KIAA1217: variants seen among roughly 807,000 people sequenced by gnomAD.
The protein encoded by KIAA1217 is sickle tail protein homolog.
KIAA1217 carries 88 observed loss-of-function variants against 163.9 expected under a neutral mutation model. The observed-to-expected ratio is 0.54, with a 90% CI of 0.45 to 0.64. The LOEUF (loss-of-function observed/expected upper bound fraction) is 0.64, where lower values mean the gene tolerates loss of function less well. Ranked by LOEUF, KIAA1217 falls within the 30% of genes least tolerant of loss-of-function variation. The pLI is 0.00. For missense variants in KIAA1217, 2,372 were observed against 2,475.0 expected (o/e 0.96, Z 0.88); for synonymous variants, 903 against 923.1 (o/e 0.98, Z 0.39).
chr10:23,868,258 A>G (rs747195753), intron 1 of KIAA1217, among the ~76,000 whole-genome samples: 25 of 152,088 alleles, frequency 1.6e-4, no homozygotes, highest in Non-Finnish European at 3.1e-4. Flanking sequence ...CTTTGCTTCC[A>G]GGAAAGCAGC....
chr10:23,945,998 T>TA (rs1392390589), intron 1 of KIAA1217, among the ~76,000 whole-genome samples: 2 of 152,166 alleles, frequency 1.3e-5, no homozygotes, highest in African/African-American at 4.8e-5. Context: ...AGTGGTTACT[T>TA]AAGTTCCATG....
chr10:24,498,221 A>G (rs2067067512), intron 8 of KIAA1217, among the ~76,000 whole-genome samples: 1 of 152,178 alleles, frequency 6.6e-6, no homozygotes, highest in Non-Finnish European at 1.5e-5. Flanking sequence ...ACCCAGGGAC[A>G]CAACATATCA....
intron 1 of KIAA1217, among the ~76,000 whole-genome samples, chr10:23,704,172 G>GTGTATATA (rs1229370789): frequency 1.3e-3 from 53 of 39,926 alleles, no homozygotes; most frequent in African/African-American, 2.8e-3. Flanking sequence ...GTGTGTGTGT[G>GTGTATATA]TATATATATA....
At position 23,695,966 on chromosome 10, in the gene KIAA1217, TGCCCTCCCCGCTCGCC is replaced by T. The variant is rs1050362362; in HGVS notation, c.-321+735_-321+750del. Among the ~76,000 whole-genome samples the T allele has an allele frequency of 2.0e-5, 3 of 152,210 alleles. No individual in the cohort carries two copies. The highest frequency in any genetic ancestry group is 7.2e-5 in the African/African-American group (3 of 41,456). On this transcript the variant is annotated intron_variant, in intron 1 of 18. Coordinates refer to the KIAA1217 transcript ENST00000376462. This position sits in a 1 kb window ranked among gnomAD's most constrained non-coding sequence, Gnocchi z 4.9. ...CACAGCGGCCGGCCTTCCGGCTGGC[TGCCCTCCCCGCTCGCC>T]GCTCTCCCCGCGCCGCTGCGGGTCC...
At chr10:23,732,251 A>T (rs1305870143) in intron 1 of KIAA1217, among the ~76,000 whole-genome samples, 5 of 152,108 alleles carry the variant, frequency 3.3e-5, no homozygotes, top group Non-Finnish European at 7.4e-5. Context: ...ATAAATATTG[A>T]TTCAATCTCT....
At chr10:24,418,205 C>A (rs1228355999) in intron 3 of KIAA1217, among the ~76,000 whole-genome samples, 1 of 152,076 alleles carries the variant, frequency 6.6e-6, no homozygotes, top group Non-Finnish European at 1.5e-5. Flanking sequence ...GATCCTCCTC[C>A]CTTCTTGTCC....
At chr10:24,059,487 C>G (rs890426632) in intron 2 of KIAA1217, among the ~76,000 whole-genome samples, 4 of 152,022 alleles carry the variant, frequency 2.6e-5, no homozygotes, top group Non-Finnish European at 4.4e-5. Flanking sequence ...TTGAATTTAC[C>G]AGTGAACCAT....
intron 2 of KIAA1217, among the ~76,000 whole-genome samples, chr10:24,197,187 A>G (rs1481144782): frequency 6.6e-6 from 1 of 152,200 alleles, no homozygotes; most frequent in Non-Finnish European, 1.5e-5. Flanking sequence ...TCCTTTCTTT[A>G]TAACTCATAT....
At chr10:24,035,689 C>A (rs989315913) in intron 2 of KIAA1217, among the ~76,000 whole-genome samples, 1 of 152,206 alleles carries the variant, frequency 6.6e-6, no homozygotes, top group Non-Finnish European at 1.5e-5. Context: ...TTCCCTTATA[C>A]ATGATCTCTA....
chr10:24,235,251 G>A (rs1378886239), intron 2 of KIAA1217, among the ~76,000 whole-genome samples: 1 of 152,118 alleles, frequency 6.6e-6, no homozygotes, highest in East Asian at 1.9e-4. Context: ...CGAACAACTG[G>A]GCACCATAAC....
At chr10:24,391,333 C>CTTTTTTTTTTTTTT (rs768727392) in intron 3 of KIAA1217, among the ~76,000 whole-genome samples, 14 of 29,886 alleles carry the variant, frequency 4.7e-4, no homozygotes, top group African/African-American at 2.6e-3. Context: ...TTCTTTCTTT[C>CTTTTTTTTTTTTTT]TTTTTTTTTT....
chr10:24,006,337 C>T (rs1290030960), intron 1 of KIAA1217, among the ~76,000 whole-genome samples: 4 of 152,146 alleles, frequency 2.6e-5, no homozygotes, highest in African/African-American at 9.7e-5. Context: ...TTTTTCCATA[C>T]TTTTATCCAT....
intron 5 of KIAA1217, among the ~76,000 whole-genome samples, chr10:24,439,764 C>T (rs1003320373): frequency 3.3e-5 from 5 of 152,008 alleles, no homozygotes; most frequent in African/African-American, 1.2e-4. Context: ...TGCTTCCATG[C>T]TCACATCCCT....
rs67626862 is a variant in KIAA1217, at chr10:24,309,340, A to ACG, written c.355-71519_355-71518dup. 2.0e-3 allele frequency among the ~76,000 whole-genome samples: 286 copies of ACG among 140,026 alleles called. 1 individual carries two copies. Among genetic ancestry groups the ACG allele is most frequent in the Middle Eastern group, 0.014 (4 of 276 alleles). The allele number at this position is 140,026 out of a possible 152,430, so 91.9% of individuals were successfully genotyped here. On this transcript the variant is annotated intron_variant, in intron 2 of 20. Transcript: ENST00000376454. ...TAGACCATGACAAATAGGCGCGCGC[A>ACG]CGCGCGCGCGCACACACACACACAC...
At chr10:23,760,554 G>A (rs1033057368) in intron 1 of KIAA1217, among the ~76,000 whole-genome samples, 1 of 152,178 alleles carries the variant, frequency 6.6e-6, no homozygotes, top group Non-Finnish European at 1.5e-5. Context: ...AGTGTTCAAA[G>A]TGTTATTTTG....
At chr10:23,730,839 C>A (rs1178117435) in intron 1 of KIAA1217, among the ~76,000 whole-genome samples, 1 of 152,084 alleles carries the variant, frequency 6.6e-6, no homozygotes, top group African/African-American at 2.4e-5. Context: ...GTATATTAAT[C>A]TTGTATTCTG....
chr10:23,720,166 G>T (rs1837795520), intron 1 of KIAA1217, among the ~76,000 whole-genome samples: 1 of 151,738 alleles, frequency 6.6e-6, no homozygotes, highest in African/African-American at 2.4e-5. Flanking sequence ...TTAAGAATGG[G>T]TAATTTTATG....
rs58161228 is a variant in KIAA1217 at position 24,422,901 on chromosome 10, C to CTTTTTTTTT, written c.554-10081_554-10073dup. 3.0e-4 allele frequency among the ~76,000 whole-genome samples: 36 copies of CTTTTTTTTT among 120,602 alleles called. 1 individual carries two copies. Among genetic ancestry groups the CTTTTTTTTT allele is most frequent in the African/African-American group, 1.1e-3 (36 of 32,110 alleles). The allele number at this position is 120,602 out of a possible 152,430, so 79.1% of individuals were successfully genotyped here. On this transcript the variant is annotated intron_variant, in intron 3 of 20. Coordinates refer to ENST00000376454, the MANE Select transcript of KIAA1217 (RefSeq NM_019590.5). Reference sequence around the variant, plus strand: ...CTCATATTACTTCCTATAGATTTAACTTTTTTTTTTTTTTTTTTTTTGAGA... The same window carrying CTTTTTTTTT: ...CTCATATTACTTCCTATAGATTTAACTTTTTTTTTTTTTTTTTTTTTTTTTTTTTTGAGA...
rs377115074 is a variant in KIAA1217 at position 23,852,854 on chromosome 10, T to C, written c.-320-154371T>C. ...TGTATAAGAATGCTTGTGATTTTTGTACATTGATTTTGTATCCTGAGACTG... is the reference window on the plus strand; with the variant it reads ...TGTATAAGAATGCTTGTGATTTTTGCACATTGATTTTGTATCCTGAGACTG... On this transcript the variant is annotated intron_variant, in intron 1 of 18. Transcript: ENST00000376462. 1.1e-4 allele frequency among the ~76,000 whole-genome samples: 16 copies of C among 152,302 alleles called. 1 individual carries two copies. The highest frequency in any genetic ancestry group is 3.9e-4 in the African/African-American group (16 of 41,554).
Sources: allele counts gnomAD v4.1 joint callset (sites outside exome capture counted in the v4.1 genomes callset), GRCh38; gene constraint gnomAD v4.1.1; non-coding constraint Gnocchi (gnomAD v3.1); transcripts MANE v1.5; gene names NCBI Gene and HGNC (gene_info 2026-07-23, HGNC 2026-07-21).